NRXN1: variants seen among roughly 807,000 people sequenced by gnomAD.
NRXN1 encodes neurexin 1, also known as neurexin-1.
NRXN1 carries 39 observed loss-of-function variants against 150.9 expected under a neutral mutation model. The observed-to-expected ratio is 0.26, with a 90% confidence interval of 0.20 to 0.34. The LOEUF (loss-of-function observed/expected upper bound fraction) is 0.34, where lower values mean the gene tolerates loss of function less well. Ranked by LOEUF, NRXN1 falls within the 10% of genes least tolerant of loss-of-function variation. The probability of loss-of-function intolerance (pLI) is 1.00; values close to 1 mark genes in which losing one functional copy is unlikely to be tolerated. For synonymous variants in NRXN1, 924 were observed against 757.0 expected (o/e 1.22, Z -3.62); for missense variants, 1,815 against 1,949.9 (o/e 0.93, Z 1.30).
intron 17 of NRXN1, among the ~76,000 whole-genome samples, chr2:50,451,993 G>A (rs978134718): frequency 3.9e-5 from 6 of 152,110 alleles, no homozygotes; most frequent in African/African-American, 1.4e-4. Context: ...AATTACACCA[G>A]CATTTAGCTA....
chr2:50,281,434 A>C lies in NRXN1; in HGVS notation c.3365-44464T>G, dbSNP rs186815935. The stretch of plus-strand genomic sequence containing the variant: ...TATGGAGAGCCTTAGTGAGTGAACA[A>C]AACCCTCTGCTTGGATTCAAATTCT... On this transcript the variant is annotated intron_variant, in intron 17 of 22. Coordinates refer to ENST00000401669, the MANE Select transcript of NRXN1 (RefSeq NM_001330078.2). Among the ~76,000 whole-genome samples the C allele has an allele frequency of 3.8e-3, 576 of 152,228 alleles. 8 individuals carry two copies. Among genetic ancestry groups the C allele is most frequent in the African/African-American group, 0.013 (537 of 41,554 alleles).
chr2:51,012,409 A>AT (rs1668025071), intron 2 of NRXN1, among the ~76,000 whole-genome samples: 1 of 152,044 alleles, frequency 6.6e-6, no homozygotes, highest in Non-Finnish European at 1.5e-5. Context: ...TAGGTATACC[A>AT]TTGGACTTGC....
At chr2:50,874,403 CT>C (rs1678254895) in intron 5 of NRXN1, among the ~76,000 whole-genome samples, 2 of 151,550 alleles carry the variant, frequency 1.3e-5, no homozygotes, top group African/African-American at 2.4e-5. Context: ...TTTTCCATCT[CT>C]TTTTTTTATA....
intron 21 of NRXN1, among the ~76,000 whole-genome samples, chr2:49,974,404 C>T (rs909886195): frequency 1.3e-5 from 2 of 151,958 alleles, no homozygotes; most frequent in African/African-American, 2.4e-5. Flanking sequence ...CTCTAACCCC[C>T]GACCGAAAAA....
chr2:50,471,078 T>C (rs553543169), intron 16 of NRXN1, among the ~76,000 whole-genome samples: 2 of 151,982 alleles, frequency 1.3e-5, no homozygotes, highest in Non-Finnish European at 2.9e-5. Flanking sequence ...CTATTGGATA[T>C]AGATTTACTT....
In NRXN1 at chr2:50,515,371, G is replaced by A. The variant is rs2092598609; in HGVS notation, c.2375-8754C>T. On this transcript the variant is annotated intron_variant, in intron 12 of 22. Transcript: ENST00000401669. The stretch of plus-strand genomic sequence containing the variant: ...TATATATTACAATGTAATAGTAATA[G>A]AAATAAGGTGGATGATACATGTAGT... 1.3e-5 allele frequency among the ~76,000 whole-genome samples: 2 copies of A among 152,106 alleles called. 1 individual carries two copies.
chr2:50,626,075 TGAA>T (rs1178394380), intron 5 of NRXN1, among the ~76,000 whole-genome samples: 1 of 151,938 alleles, frequency 6.6e-6, no homozygotes, highest in African/African-American at 2.4e-5. Context: ...AGATTATAAA[TGAA>T]GAAAATCATG....
intron 21 of NRXN1, among the ~76,000 whole-genome samples, chr2:50,007,566 CT>C (rs1265928538): frequency 6.6e-6 from 1 of 152,048 alleles, no homozygotes; most frequent in Non-Finnish European, 1.5e-5. Flanking sequence ...TGAACTCATC[CT>C]TTTTTATGGC....
At chr2:50,565,239 T>C (rs1669667134) in intron 8 of NRXN1, among the ~76,000 whole-genome samples, 1 of 151,910 alleles carries the variant, frequency 6.6e-6, no homozygotes, top group Non-Finnish European at 1.5e-5. Context: ...ACAGTATGCA[T>C]ACATTTTTGG....
rs187440071 is a variant in NRXN1 at position 50,682,536 on chromosome 2, G to A, written c.833-58921C>T. Among the ~76,000 whole-genome samples the A allele has an allele frequency of 5.3e-5, 8 of 152,234 alleles. No individual in the cohort carries two copies. In the East Asian group the frequency reaches 1.4e-3, roughly 26 times the overall value. On this transcript the variant is annotated intron_variant, in intron 5 of 22. Coordinates refer to ENST00000401669, the MANE Select transcript of NRXN1 (RefSeq NM_001330078.2). ...ACTTGGTTGACACACATATGAGCAC[G>A]AAAGGTAGGGTAATATTTTTAACTA... is the stretch of plus-strand genomic sequence containing the variant.
intron 5 of NRXN1, among the ~76,000 whole-genome samples, chr2:50,660,456 A>G (rs560238564): frequency 6.6e-6 from 1 of 152,140 alleles, no homozygotes; most frequent in East Asian, 1.9e-4. Flanking sequence ...AGATAAAATT[A>G]CTTGCAAAAA....
At chr2:50,869,595 G>A (rs1029836631) in intron 5 of NRXN1, among the ~76,000 whole-genome samples, 2 of 151,806 alleles carry the variant, frequency 1.3e-5, no homozygotes, top group African/African-American at 2.4e-5. Flanking sequence ...ACCAGTTTTA[G>A]AGGTTTAATT....
chr2:50,139,068 G>C (rs557560857), intron 18 of NRXN1, among the ~76,000 whole-genome samples: 3 of 152,260 alleles, frequency 2.0e-5, no homozygotes, highest in Admixed American at 2.0e-4. Flanking sequence ...GCTCATACCT[G>C]TAATCCCAGC....
chr2:50,226,710 T>A (rs936212168), intron 18 of NRXN1, among the ~76,000 whole-genome samples: 1 of 151,944 alleles, frequency 6.6e-6, no homozygotes, highest in Non-Finnish European at 1.5e-5. Flanking sequence ...AGAACTAGAA[T>A]CTTGCTTCAA....
At chr2:50,361,082 C>T (rs933042428) in intron 17 of NRXN1, among the ~76,000 whole-genome samples, 4 of 152,114 alleles carry the variant, frequency 2.6e-5, no homozygotes, top group Admixed American at 6.5e-5. Context: ...AAAGACACAG[C>T]GTACCAGCAT....
chr2:50,171,014 A>G (rs543563700), intron 18 of NRXN1, among the ~76,000 whole-genome samples: 2 of 152,306 alleles, frequency 1.3e-5, no homozygotes, highest in South Asian at 2.1e-4. Flanking sequence ...AAGCTAGACA[A>G]AAGAAAATGT....
chr2:50,621,323 T>C (rs376631808), intron 6 of NRXN1, 74 bp from the exon 7 acceptor site: 3 of 1,132,100 alleles, frequency 2.6e-6, no homozygotes, highest in Non-Finnish European at 3.9e-6. Context: ...AAAAATATGA[T>C]GGTCTCTACC....
Position 50,116,964 on chromosome 2 carries a change from G to A in NRXN1, c.3547-25470C>T, listed in dbSNP as rs1434576956. The stretch of plus-strand genomic sequence containing the variant: ...TATTAATGGAAAGAGGTAGTGGGGT[G>A]TTACAGGGAGCTAACTTTTTTCATG... On this transcript the variant is annotated intron_variant, in intron 18 of 22. Transcript: ENST00000401669. Among the ~76,000 whole-genome samples, 4 of 152,110 alleles carry A rather than the reference G, an allele frequency of 2.6e-5. No homozygotes were observed. The East Asian group carries it at 7.7e-4, about 29-fold the overall frequency.
chr2:50,858,452 A>G (rs1675592767), intron 5 of NRXN1, among the ~76,000 whole-genome samples: 1 of 152,042 alleles, frequency 6.6e-6, no homozygotes, highest in Non-Finnish European at 1.5e-5. Context: ...GTTTTCATTT[A>G]AGTTGAGTAA....
Sources: gnomAD v4.1 joint callset for allele counts (sites outside exome capture counted in the v4.1 genomes callset) on GRCh38, gnomAD v4.1.1 for gene constraint, MANE v1.5 for transcripts, NCBI Gene and HGNC (gene_info 2026-07-23, HGNC 2026-07-21) for gene names.